Variants in TRPC7 observed in about 807,000 individuals in gnomAD.
The protein encoded by TRPC7 is transient receptor potential cation channel subfamily C member 7.
A neutral mutation model predicts 90.1 loss-of-function variants in TRPC7; 42 were observed. The observed-to-expected ratio is 0.47, with a 90% CI of 0.36 to 0.60. TRPC7 has a LOEUF of 0.60. TRPC7 is among the 20% of genes least tolerant of loss of function. TRPC7 has a pLI of 0.00. For missense variants in TRPC7, 955 were observed against 1,112.3 expected (o/e 0.86, Z 2.01); for synonymous variants, 451 against 436.3 (o/e 1.03, Z -0.42).
intron 2 of TRPC7, among the ~76,000 whole-genome samples, chr5:136,328,597 C>T (rs549349030): frequency 5.3e-4 from 80 of 152,340 alleles, no homozygotes; most frequent in Non-Finnish European, 9.7e-4. Context: ...AACTTAATCT[C>T]TCTGTGTGCT....
At chr5:136,300,232 G>T (rs1758329983) in intron 3 of TRPC7, among the ~76,000 whole-genome samples, 1 of 152,210 alleles carries the variant, frequency 6.6e-6, no homozygotes, top group East Asian at 1.9e-4. Context: ...GTTATGTCAG[G>T]TGATTTACAG....
chr5:136,241,546 CT>C (rs1451612629), intron 7 of TRPC7, among the ~76,000 whole-genome samples: 1 of 151,936 alleles, frequency 6.6e-6, no homozygotes, highest in East Asian at 1.9e-4. Flanking sequence ...GAGAAAGGCA[CT>C]CTTTTCCTTC....
At chr5:136,243,718 C>T (rs774211536) in intron 7 of TRPC7, among the ~76,000 whole-genome samples, 19 of 151,820 alleles carry the variant, frequency 1.3e-4, no homozygotes, top group East Asian at 7.8e-4. Context: ...TGACATGCAC[C>T]GGAGAGCAGT....
chr5:136,310,058 TC>T (rs1164170792), intron 3 of TRPC7, among the ~76,000 whole-genome samples: 1 of 152,152 alleles, frequency 6.6e-6, no homozygotes, highest in Non-Finnish European at 1.5e-5. Context: ...ACATGGTCTG[TC>T]CCCTGCCTGC....
chr5:136,259,382 C>T, intron 5 of TRPC7, among the ~76,000 whole-genome samples: 1 of 152,216 alleles, frequency 6.6e-6, no homozygotes, highest in East Asian at 1.9e-4. Flanking sequence ...TTGAGCTCCA[C>T]CTTTGTGCCA....
intron 3 of TRPC7, among the ~76,000 whole-genome samples, chr5:136,284,051 T>A (rs1318985303): frequency 6.6e-6 from 1 of 152,220 alleles, no homozygotes; most frequent in Admixed American, 6.5e-5. Flanking sequence ...AGGCTTCAGT[T>A]TGGACAACTT....
chr5:136,313,416 T>C (rs950694212), intron 3 of TRPC7, among the ~76,000 whole-genome samples: 2 of 152,042 alleles, frequency 1.3e-5, no homozygotes, highest in Non-Finnish European at 2.9e-5. Context: ...TCTATCTATC[T>C]ATCTGTCTAT....
chr5:136,357,425 G>A, intron 1 of TRPC7, 40 bp from the exon 2 acceptor site: 3 of 1,545,678 alleles, frequency 1.9e-6, no homozygotes, highest in Non-Finnish European at 2.6e-6. Context: ...CTTTCCTGCG[G>A]ATTCCCTAGC....
At chr5:136,328,008 C>T (rs1759395325) in intron 2 of TRPC7, among the ~76,000 whole-genome samples, 1 of 152,144 alleles carries the variant, frequency 6.6e-6, no homozygotes, top group African/African-American at 2.4e-5. Flanking sequence ...AATTGAAAAG[C>T]TTCAATCCAT....
chr5:136,243,412 C>T (rs951433036), intron 7 of TRPC7, among the ~76,000 whole-genome samples: 3 of 152,044 alleles, frequency 2.0e-5, no homozygotes, highest in Admixed American at 6.6e-5. Context: ...TTGGGTCTGC[C>T]GAGTCTATAG....
chr5:136,287,199 G>A (rs1757748376), intron 3 of TRPC7, among the ~76,000 whole-genome samples: 1 of 152,140 alleles, frequency 6.6e-6, no homozygotes, highest in Admixed American at 6.5e-5. Flanking sequence ...AGAAGAATGA[G>A]TGACGTTTTC....
Position 136,247,117 on chromosome 5 carries a change from A to G in TRPC7, c.1844+354T>C, listed in dbSNP as rs1756366121. 2.0e-5 allele frequency among the ~76,000 whole-genome samples: 3 copies of G among 152,196 alleles called. No homozygotes were observed. Among genetic ancestry groups the G allele is most frequent in the Admixed American group, 2.0e-4 (3 of 15,284 alleles). On this transcript the variant is annotated intron_variant, in intron 7 of 11. Transcript: ENST00000513104. The surrounding 1 kb of genome is among the most constrained non-coding windows in gnomAD (Gnocchi z 4.2). ...CAAAAGACAACATTATATTAATGGC[A>G]TTCTGTTTTTAGTAGTGGTCTTTCC...
intron 3 of TRPC7, among the ~76,000 whole-genome samples, chr5:136,303,510 A>T (rs2094794635): frequency 1.3e-5 from 2 of 152,094 alleles, no homozygotes; most frequent in South Asian, 4.2e-4. Flanking sequence ...CAACTTCAGC[A>T]CACAAAAAAT....
rs576602589 is a variant in TRPC7 at position 136,226,054 on chromosome 5, T to A, written c.2242A>T (p.Met748Leu). The stretch of plus-strand genomic sequence containing the variant: ...CCTACCTTGAATTTGGAATTCAGCA[T>A]GCCCATTTCAAGGTCATTTTCACAG... ...KSCENDLEMG[M>L]LNSKFKKTRY... The change falls in exon 9 of 12, where the codon ATG (methionine) becomes TTG (leucine). Residue 748 changes from methionine (M) to leucine (L), a missense_variant. Coordinates refer to ENST00000513104, the MANE Select transcript of TRPC7 (RefSeq NM_020389.3). 1 of 1,599,584 alleles carries A rather than the reference T, an allele frequency of 6.3e-7. No individual in the cohort carries two copies. The highest frequency in any genetic ancestry group is 2.2e-5 in the East Asian group (1 of 44,666).
At chr5:136,233,951 C>A in intron 7 of TRPC7, among the ~76,000 whole-genome samples, 1 of 152,146 alleles carries the variant, frequency 6.6e-6, no homozygotes, top group East Asian at 1.9e-4. Flanking sequence ...AAGAAACAGG[C>A]CTGGCTTATT....
chr5:136,285,400 T>C (rs1757681683), intron 3 of TRPC7, among the ~76,000 whole-genome samples: 1 of 152,196 alleles, frequency 6.6e-6, no homozygotes, highest in East Asian at 1.9e-4. Context: ...GGCACTTGAT[T>C]CATGGAACCT....
At chr5:136,278,158 G>A (rs528661053) in intron 3 of TRPC7, among the ~76,000 whole-genome samples, 2 of 152,334 alleles carry the variant, frequency 1.3e-5, no homozygotes, top group East Asian at 3.9e-4. Context: ...CCCCACTCAG[G>A]TGACAGTCTC....
intron 6 of TRPC7, among the ~76,000 whole-genome samples, chr5:136,250,676 G>A (rs898614493): frequency 6.6e-5 from 10 of 152,092 alleles, no homozygotes; most frequent in Admixed American, 4.6e-4. Context: ...AGTGCAAAGC[G>A]CTTCACATAC....
chr5:136,298,590 A>G (rs1758264533), intron 3 of TRPC7, among the ~76,000 whole-genome samples: 1 of 152,194 alleles, frequency 6.6e-6, no homozygotes, highest in South Asian at 2.1e-4. Context: ...AGAAATGCCT[A>G]GGAGGTGATG....
Sources: gnomAD v4.1 joint callset for allele counts (sites outside exome capture counted in the v4.1 genomes callset) on GRCh38, gnomAD v4.1.1 for gene constraint, Gnocchi (gnomAD v3.1) non-coding constraint, MANE v1.5 for transcripts, NCBI Gene and HGNC (gene_info 2026-07-23, HGNC 2026-07-21) for gene names.